Variants in ODAD1 observed in about 807,000 individuals in gnomAD.
ODAD1 encodes outer dynein arm-docking complex subunit 1.
Under a neutral mutation model 67.2 loss-of-function variants are expected in ODAD1, and 49 were observed. The ratio of observed to expected loss-of-function variants is 0.73; its 90% CI spans 0.58 to 0.92. ODAD1 has a LOEUF of 0.92. Ranked by LOEUF, ODAD1 falls within the 40% of genes least tolerant of loss-of-function variation. The probability of loss-of-function intolerance (pLI) is 0.00; values close to 1 mark genes in which losing one functional copy is unlikely to be tolerated. For missense variants in ODAD1, 897 were observed against 953.7 expected (o/e 0.94, Z 0.78); for synonymous variants, 345 against 393.7 (o/e 0.88, Z 1.46).
At chr19:48,314,807 G>T (rs1445269999) in intron 5 of ODAD1, among the ~76,000 whole-genome samples, 2 of 151,980 alleles carry the variant, frequency 1.3e-5, no homozygotes, top group African/African-American at 4.8e-5. Context: ...TGGGCGTAAT[G>T]GCACGTGACT....
intron 12 of ODAD1, among the ~76,000 whole-genome samples, chr19:48,300,136 T>C (rs966234694): frequency 2.0e-5 from 3 of 151,892 alleles, no homozygotes; most frequent in Non-Finnish European, 4.4e-5. Context: ...CGAAACCCCG[T>C]CTCTACTAAA....
chr19:48,306,157 C>T lies in ODAD1; in HGVS notation c.665+99G>A, dbSNP rs532093413. On this transcript the variant is annotated intron_variant, in intron 8 of 15. Transcript: ENST00000674294. Reference sequence around the variant, plus strand: ...TTATGGGAGAAAAAATAGGTTCTGACGTGTTTCATGAGTCCTGAACCTTCC... The same window carrying T: ...TTATGGGAGAAAAAATAGGTTCTGATGTGTTTCATGAGTCCTGAACCTTCC... 5.4e-5 allele frequency: 81 copies of T among 1,502,534 alleles called. No homozygotes were observed. In the African/African-American group the frequency reaches 8.5e-4, roughly 16 times the overall value. The allele number at this position is 1,502,534 out of a possible 1,614,324, so 93.1% of individuals were successfully genotyped here.
intron 5 of ODAD1, among the ~76,000 whole-genome samples, chr19:48,316,377 C>CAA (rs777896204): frequency 0.026 from 3,402 of 128,850 alleles, 170 homozygotes; most frequent in East Asian, 0.2. Context: ...GAGACTTCGT[C>CAA]AAAAAAAAAA....
At chr19:48,313,124 T>C (rs745861185) in intron 5 of ODAD1, among the ~76,000 whole-genome samples, 3 of 152,124 alleles carry the variant, frequency 2.0e-5, no homozygotes, top group Admixed American at 6.6e-5. Flanking sequence ...GGTTGAATCA[T>C]GTCCCATAAA....
intron 3 of ODAD1, 80 bp downstream of exon 3, chr19:48,320,211 TCTCCCTCC>T: frequency 1.1e-6 from 1 of 936,250 alleles, no homozygotes; most frequent in Non-Finnish European, 1.4e-6. Flanking sequence ...GGACAGACAC[TCTCCCTCC>T]CTCCCTACAG....
Position 48,312,002 on chromosome 19 carries a change from A to G in ODAD1, c.475T>C (p.Leu159=), listed in dbSNP as rs968591762. 10 of 1,550,998 alleles carry G rather than the reference A, an allele frequency of 6.4e-6. No homozygotes were observed. The highest frequency in any genetic ancestry group is 4.9e-5 in the East Asian group (2 of 40,918). ...RRRIRILENQ[L]DRVTCHFDNQ... ...AGGAGTTTGACCCTCACCCTGTCCA[A>G]CTGGTTTTCTAGGATCCTGATCCTT... Residue 159 remains leucine, a synonymous_variant, in exon 6 of 16, where the codon TTG becomes CTG. Transcript: ENST00000674294.
At chr19:48,301,999 A>G (rs1345116008) in intron 12 of ODAD1, among the ~76,000 whole-genome samples, 7 of 149,646 alleles carry the variant, frequency 4.7e-5, no homozygotes, top group Non-Finnish European at 7.4e-5. Context: ...ATGGAGAGAT[A>G]GATATAGGAC....
At chr19:48,305,781 T>C (rs1483972564) in intron 8 of ODAD1, among the ~76,000 whole-genome samples, 6 of 150,924 alleles carry the variant, frequency 4.0e-5, no homozygotes, top group Non-Finnish European at 8.8e-5. Context: ...ACAGGGCCGG[T>C]GGGGTGCAAT....
At chr19:48,316,196 T>C (rs1412720509) in intron 5 of ODAD1, among the ~76,000 whole-genome samples, 1 of 151,968 alleles carries the variant, frequency 6.6e-6, no homozygotes, top group Non-Finnish European at 1.5e-5. Flanking sequence ...CTGGCCAACA[T>C]AGTGAAACCC....
At chr19:48,306,445 C>G in intron 7 of ODAD1, 122 bp from the exon 8 acceptor site, 3 of 758,956 alleles carry the variant, frequency 4.0e-6, no homozygotes, top group Non-Finnish European at 6.6e-6. Context: ...AAATGTGGAC[C>G]CTCCTCATTA....
chr19:48,304,205 G>A (rs1227688217), intron 8 of ODAD1, 65 bp from the exon 9 acceptor site: 1 of 1,473,274 alleles, frequency 6.8e-7, no homozygotes. Context: ...GGGTCCTGGG[G>A]ATGGGCGGGG....
chr19:48,301,533 T>A (rs80252053), intron 12 of ODAD1, among the ~76,000 whole-genome samples: 2,432 of 152,340 alleles, frequency 0.016, 73 homozygotes, highest in African/African-American at 0.056. Flanking sequence ...AATAACATTT[T>A]TGGTAACTAA....
At chr19:48,298,924 C>T (rs996605421) in intron 12 of ODAD1, among the ~76,000 whole-genome samples, 1 of 152,198 alleles carries the variant, frequency 6.6e-6, no homozygotes, top group Admixed American at 6.5e-5. Context: ...AGGACCTGCC[C>T]ATATCTGAGC....
Position 48,304,132 on chromosome 19 carries a change from G to A in ODAD1, c.674C>T (p.Ala225Val), listed in dbSNP as rs201877590. Reference sequence around the variant, plus strand: ...CCGCAGCAAGCCCATCTTGGCCTTCGCCTCCTCCCTGCGGGGGTCAGCCGG... The same window carrying A: ...CCGCAGCAAGCCCATCTTGGCCTTCACCTCCTCCCTGCGGGGGTCAGCCGG... ...STSAYAVREE[A>V]KAKMGLLRER... Residue 225 changes from alanine (A) to valine (V), a missense_variant, in exon 9 of 16, where the codon GCG becomes GTG. Ala to Val is a moderately conservative substitution (Grantham distance 64, BLOSUM62 0). Transcript: ENST00000674294. 6 of 1,607,240 alleles carry A rather than the reference G, an allele frequency of 3.7e-6. No homozygotes were observed. The highest frequency in any genetic ancestry group is 1.1e-5 in the South Asian group (1 of 90,898).
chr19:48,301,383 T>C (rs78383070), intron 12 of ODAD1, among the ~76,000 whole-genome samples: 10,662 of 151,928 alleles, frequency 0.07, 546 homozygotes, highest in East Asian at 0.2. Context: ...GGGTGGATGA[T>C]GGATATGGGA....
intron 12 of ODAD1, among the ~76,000 whole-genome samples, chr19:48,302,245 GGA>G (rs1453740601): frequency 6.6e-6 from 1 of 152,090 alleles, no homozygotes; most frequent in Non-Finnish European, 1.5e-5. Context: ...GACCCTGGAT[GGA>G]GAGATAGATA....
intron 2 of ODAD1, 23 bp from the exon 3 acceptor site, chr19:48,320,414 C>T (rs553061403): frequency 8.0e-7 from 1 of 1,244,446 alleles, no homozygotes; most frequent in Non-Finnish European, 1.0e-6. Flanking sequence ...ACATATAAGA[C>T]CCTTCAGACA....
intron 10 of ODAD1, chr19:48,303,345 G>C (rs1968519711): frequency 1.6e-6 from 1 of 609,662 alleles, no homozygotes; most frequent in African/African-American, 1.9e-5. Context: ...AATAGCAAGG[G>C]AGATGGGGAG....
At chr19:48,317,267 T>A (rs1034901746) in intron 5 of ODAD1, among the ~76,000 whole-genome samples, 2 of 152,116 alleles carry the variant, frequency 1.3e-5, no homozygotes, top group African/African-American at 4.8e-5. Context: ...TTAATATATG[T>A]GTGTGTGTAT....
Sources: allele counts gnomAD v4.1 joint callset (sites outside exome capture counted in the v4.1 genomes callset), GRCh38; gene constraint gnomAD v4.1.1; transcripts MANE v1.5; gene names NCBI Gene and HGNC (gene_info 2026-07-23, HGNC 2026-07-21).